ATG10: variants seen among roughly 807,000 people sequenced by gnomAD.
The protein encoded by ATG10 is autophagy related 10.
In ATG10, 30 loss-of-function variants were observed where a neutral mutation model predicts 32.1. The ratio of observed to expected loss-of-function variants is 0.94; its 90% CI spans 0.70 to 1.27. The LOEUF (loss-of-function observed/expected upper bound fraction) is 1.27, where lower values mean the gene tolerates loss of function less well. Among genes scored for constraint, ATG10 ranks in the 50% most tolerant of loss-of-function variants. The pLI, the probability that ATG10 is intolerant of heterozygous loss-of-function variation, is 0.00. For missense variants in ATG10, 233 were observed against 262.3 expected, an observed-to-expected ratio of 0.89 and a Z score of 0.77; for synonymous variants, 87 against 91.5, an observed-to-expected ratio of 0.95 and a Z score of 0.28.
At chr5:82,208,841 GA>G (rs1745393017) in intron 5 of ATG10, among the ~76,000 whole-genome samples, 1 of 152,050 alleles carries the variant, frequency 6.6e-6, no homozygotes, top group Non-Finnish European at 1.5e-5. Context: ...GTATTCTGGG[GA>G]AAAAATACAA....
intron 4 of ATG10, among the ~76,000 whole-genome samples, chr5:82,173,510 G>A (rs771286104): frequency 5.9e-5 from 9 of 152,136 alleles, no homozygotes; most frequent in Non-Finnish European, 8.8e-5. Context: ...GCTTAAATGT[G>A]TATTATCATT....
At chr5:82,094,095 C>G (rs1470198723) in intron 3 of ATG10, among the ~76,000 whole-genome samples, 1 of 152,148 alleles carries the variant, frequency 6.6e-6, no homozygotes, top group Non-Finnish European at 1.5e-5. Context: ...TCTCCAGTTT[C>G]AGCACCTCAT....
chr5:82,152,040 C>G (rs973761863), intron 3 of ATG10, among the ~76,000 whole-genome samples: 13 of 152,124 alleles, frequency 8.5e-5, no homozygotes, highest in African/African-American at 2.9e-4. Flanking sequence ...TTAAAACACA[C>G]AAAGAAGAAC....
At chr5:82,098,192 G>T (rs1203367794) in intron 3 of ATG10, among the ~76,000 whole-genome samples, 1 of 151,692 alleles carries the variant, frequency 6.6e-6, no homozygotes, top group Non-Finnish European at 1.5e-5. Flanking sequence ...AAACATTTAA[G>T]TCTTTCCTTA....
intron 2 of ATG10, among the ~76,000 whole-genome samples, chr5:81,998,194 C>T (rs1212878313): frequency 2.0e-5 from 3 of 152,200 alleles, no homozygotes; most frequent in Admixed American, 2.0e-4. Flanking sequence ...GACCTTTCAG[C>T]AGAAACCCTA....
At chr5:82,041,897 A>G (rs913684167) in intron 2 of ATG10, among the ~76,000 whole-genome samples, 1 of 152,006 alleles carries the variant, frequency 6.6e-6, no homozygotes, top group African/African-American at 2.4e-5. Context: ...AATTATATCC[A>G]GTATATTTTT....
Position 82,063,283 on chromosome 5 carries a change from C to T in ATG10, c.216+4681C>T, listed in dbSNP as rs547811084. On this transcript the variant is annotated intron_variant, in intron 3 of 7. Coordinates refer to ENST00000282185, the MANE Select transcript of ATG10 (RefSeq NM_031482.5). The stretch of plus-strand genomic sequence containing the variant: ...ACAGTGAGCTATGATCACAGCACTG[C>T]GCTCTATCTAATATGGGCAACAGAA... Among the ~76,000 whole-genome samples the T allele has an allele frequency of 3.9e-5, 6 of 152,064 alleles. No homozygotes were observed. In the East Asian group the frequency reaches 5.8e-4, roughly 15 times the overall value.
At chr5:81,982,651 G>C (rs1386255153) in intron 1 of ATG10, among the ~76,000 whole-genome samples, 2 of 151,952 alleles carry the variant, frequency 1.3e-5, no homozygotes, top group East Asian at 3.9e-4. Context: ...GTGGAGGGAA[G>C]GTCAGCAGAT....
At chr5:82,023,007 A>AT (rs1554041625) in intron 2 of ATG10, among the ~76,000 whole-genome samples, 3 of 147,960 alleles carry the variant, frequency 2.0e-5, no homozygotes, top group African/African-American at 5.0e-5. Flanking sequence ...ACACACATAA[A>AT]ATATATATAT....
At chr5:82,018,595 A>G (rs1181877588) in intron 2 of ATG10, among the ~76,000 whole-genome samples, 3 of 152,064 alleles carry the variant, frequency 2.0e-5, no homozygotes, top group Non-Finnish European at 4.4e-5. Context: ...TTTCATCACA[A>G]CTGTCCAGGC....
intron 5 of ATG10, among the ~76,000 whole-genome samples, chr5:82,195,643 CT>C (rs1245321340): frequency 6.6e-6 from 1 of 152,112 alleles, no homozygotes; most frequent in Non-Finnish European, 1.5e-5. Flanking sequence ...AATATGTGGC[CT>C]TTTGCTTATA....
At chr5:82,179,974 C>G (rs930283028) in intron 5 of ATG10, among the ~76,000 whole-genome samples, 7 of 152,166 alleles carry the variant, frequency 4.6e-5, no homozygotes, top group African/African-American at 1.7e-4. Flanking sequence ...CCTCCTAGAT[C>G]AAGCCCTCTG....
At chr5:81,996,392 C>T (rs1761666097) in intron 2 of ATG10, among the ~76,000 whole-genome samples, 1 of 152,144 alleles carries the variant, frequency 6.6e-6, no homozygotes, top group Non-Finnish European at 1.5e-5. Flanking sequence ...GTATGTACCA[C>T]CACACCTGGC....
intron 2 of ATG10, among the ~76,000 whole-genome samples, chr5:82,001,789 G>A (rs768578470): frequency 6.6e-6 from 1 of 152,164 alleles, no homozygotes; most frequent in Non-Finnish European, 1.5e-5. Context: ...TTGACAAATG[G>A]GAACTAATTA....
intron 3 of ATG10, among the ~76,000 whole-genome samples, chr5:82,081,946 C>T (rs1327210544): frequency 3.9e-5 from 6 of 152,154 alleles, no homozygotes; most frequent in African/African-American, 1.4e-4. Flanking sequence ...CCAGTTCCTC[C>T]TTGTACCTCT....
chr5:81,996,866 A>G (rs1224510408), intron 2 of ATG10, among the ~76,000 whole-genome samples: 3 of 152,212 alleles, frequency 2.0e-5, no homozygotes, highest in Non-Finnish European at 1.5e-5. Context: ...GTACATGATT[A>G]TAAGGATAAT....
chr5:82,138,882 T>A (rs181222763), intron 3 of ATG10, among the ~76,000 whole-genome samples: 24 of 39,884 alleles, frequency 6.0e-4, no homozygotes, highest in African/African-American at 2.4e-3. Context: ...CCTCCCCCTC[T>A]CCCTCTCCCT....
intron 5 of ATG10, among the ~76,000 whole-genome samples, chr5:82,195,134 A>AT (rs1744802656): frequency 6.6e-6 from 1 of 152,142 alleles, no homozygotes; most frequent in African/African-American, 2.4e-5. Flanking sequence ...TGAACTTGGT[A>AT]TTTGAGAGTA....
rs10586711 is a variant in ATG10, at chr5:82,197,720, T to TTCTATCTATCTA, written c.453+19177_453+19188dup. Among the ~76,000 whole-genome samples the TTCTATCTATCTA allele has an allele frequency of 5.2e-3, 749 of 143,928 alleles. 2 individuals are homozygous for TTCTATCTATCTA. The highest frequency in any genetic ancestry group is 6.6e-3 in the Non-Finnish European group (434 of 66,044). The allele number at this position is 143,928 out of a possible 152,430, so 94.4% of individuals were successfully genotyped here. A position where few individuals can be genotyped will look rare whatever the true frequency, so the allele number is the denominator to read the frequency against. On this transcript the variant is annotated intron_variant, in intron 5 of 7. Coordinates refer to ENST00000282185, the MANE Select transcript of ATG10 (RefSeq NM_031482.5). ...CCCATTATTTTCTTTCTTTCTTTCT[T>TTCTATCTATCTA]TCTATCTATCTATCTATCTATCTAT... is the stretch of plus-strand genomic sequence containing the variant.
Sources: gnomAD v4.1 joint callset for allele counts (sites outside exome capture counted in the v4.1 genomes callset) on GRCh38, gnomAD v4.1.1 for gene constraint, MANE v1.5 for transcripts, NCBI Gene and HGNC (gene_info 2026-07-23, HGNC 2026-07-21) for gene names.